Variants in RAVER1 observed in about 807,000 individuals in gnomAD.
RAVER1 encodes ribonucleoprotein, PTB binding 1.
A neutral mutation model predicts 68.4 loss-of-function variants in RAVER1; 36 were observed. The ratio of observed to expected loss-of-function variants is 0.53; its 90% CI spans 0.40 to 0.70. The LOEUF (loss-of-function observed/expected upper bound fraction) is 0.70. RAVER1 is among the 30% of genes least tolerant of loss of function. The pLI is 0.00. For missense variants in RAVER1, 933 were observed against 1,019.8 expected, an observed-to-expected ratio of 0.91 and a Z score of 1.16; for synonymous variants, 469 against 472.7, an observed-to-expected ratio of 0.99 and a Z score of 0.10.
chr19:10,319,901 A>C (rs1481104887), intron 9 of RAVER1, among the ~76,000 whole-genome samples: 1 of 151,634 alleles, frequency 6.6e-6, no homozygotes, highest in East Asian at 1.9e-4. Flanking sequence ...CGGCCTCCCA[A>C]AGTGCTGGGA....
chr19:10,327,562 C>A (rs1189947176), intron 3 of RAVER1, among the ~76,000 whole-genome samples: 1 of 152,102 alleles, frequency 6.6e-6, no homozygotes, highest in African/African-American at 2.4e-5. Context: ...CAGGCCTACC[C>A]CTTTTAAGCC....
chr19:10,320,978 G>C, intron 8 of RAVER1, 27 bp from the exon 9 acceptor site: 3 of 1,488,130 alleles, frequency 2.0e-6, no homozygotes, highest in African/African-American at 1.5e-5. Flanking sequence ...GGATTCGAGA[G>C]GGCCCCCGGG....
Position 10,323,643 on chromosome 19 carries a change from C to A in RAVER1, c.757-77G>T, listed in dbSNP as rs2040455024. On this transcript the variant is annotated intron_variant, in intron 3 of 12. Transcript: ENST00000617231. The surrounding 1 kb of genome is among the most constrained non-coding windows in gnomAD (Gnocchi z 6.2). The stretch of plus-strand genomic sequence containing the variant: ...CACCCCGGGAAGTGACAACCGTAAC[C>A]AGACTCAGCTGCCCCATAAGGGTGA... The A allele has an allele frequency of 6.8e-7, 1 of 1,463,708 alleles. No homozygotes were observed. Among genetic ancestry groups the A allele is most frequent in the Non-Finnish European group, 9.1e-7 (1 of 1,093,516 alleles). The allele number at this position is 1,463,708 out of a possible 1,614,324, so 90.7% of individuals were successfully genotyped here. A position where few individuals can be genotyped will look rare whatever the true frequency, so the allele number is the denominator to read the frequency against.
In RAVER1 at chr19:10,316,611, C is replaced by T. The variant is rs2040389882; in HGVS notation, c.*843G>A. 13 of 983,496 alleles carry T rather than the reference C, an allele frequency of 1.3e-5. No homozygotes were observed. The highest frequency in any genetic ancestry group is 1.6e-5 in the Non-Finnish European group (13 of 827,696). The allele number at this position is 983,496 out of a possible 1,614,324, so 60.9% of individuals were successfully genotyped here. On this transcript the variant is annotated 3_prime_UTR_variant, in exon 13 of 13. Coordinates refer to ENST00000617231, the MANE Select transcript of RAVER1 (RefSeq NM_133452.3). ...CTGGCAGAGAAAGCCCATCTCTGCA[C>T]GGAGGCCCGGGTAGGAGGGGGTGGT...
At chr19:10,331,212 C>T (rs1472028234) in intron 1 of RAVER1, among the ~76,000 whole-genome samples, 1 of 149,348 alleles carries the variant, frequency 6.7e-6, no homozygotes, top group Non-Finnish European at 1.5e-5. Flanking sequence ...TAGCCGGGCG[C>T]GGTGGCAGGC....
rs951870169 is a variant in RAVER1 at position 10,328,706 on chromosome 19, C to G, written c.692G>C (p.Gly231Ala). The change falls in exon 3 of 13, where the codon GGC becomes GCC. Residue 231 changes from glycine to alanine, a missense_variant. Gly to Ala is a moderately conservative substitution (Grantham distance 60). Transcript: ENST00000617231. The surrounding 1 kb of genome is among the most constrained non-coding windows in gnomAD (Gnocchi z 4.4). ...RCLCVDRLPP[G>A]FNDVDALCRA... is the part of the protein sequence containing the mutation. ...GCACAGAGCGTCCACATCGTTGAAG[C>G]CAGGTGGCAGGCGGTCCACACAGAG... The G allele has an allele frequency of 1.2e-6, 2 of 1,608,014 alleles. No individual in the cohort carries two copies. Among genetic ancestry groups the G allele is most frequent in the African/African-American group, 1.3e-5 (1 of 74,854 alleles).
At chr19:10,326,483 C>T (rs960563431) in intron 3 of RAVER1, among the ~76,000 whole-genome samples, 2 of 152,214 alleles carry the variant, frequency 1.3e-5, no homozygotes, top group Non-Finnish European at 2.9e-5. Context: ...CTCGCTCTGT[C>T]GCCCAGGCTG....
At chr19:10,330,699 C>T (rs1366130250) in intron 1 of RAVER1, among the ~76,000 whole-genome samples, 173 bp from the exon 2 acceptor site, 1 of 152,204 alleles carries the variant, frequency 6.6e-6, no homozygotes, top group Non-Finnish European at 1.5e-5. Flanking sequence ...TCTGCTCATA[C>T]CTGGCAGAGA....
At position 10,322,627 on chromosome 19, in the gene RAVER1, G is replaced by C. The variant is rs911914008; in HGVS notation, c.1173+18C>G. 11 of 1,501,818 alleles carry C rather than the reference G, an allele frequency of 7.3e-6. No homozygotes were observed. The highest frequency in any genetic ancestry group is 1.4e-5 in the African/African-American group (1 of 69,362). The allele number at this position is 1,501,818 out of a possible 1,614,324, so 93.0% of individuals were successfully genotyped here. The stretch of plus-strand genomic sequence containing the variant: ...GTAGGGGCTGTAGAGCAGTGGGTGA[G>C]GGGGATGCGTGTGTTACCTTCTGGC... On this transcript the variant is annotated intron_variant, in intron 6 of 12. Transcript: ENST00000617231. This position sits in a 1 kb window ranked among gnomAD's most constrained non-coding sequence, Gnocchi z 4.3.
rs2040541887 is a variant in RAVER1 at position 10,333,512 on chromosome 19, G to A, written c.-5C>T. 2 of 1,595,620 alleles carry A rather than the reference G, an allele frequency of 1.3e-6. No homozygotes were observed. ...AACGGACACGTCCGCCGCCATCTTGGGAAACCCGGCGCCTTCTGGGACCAG... is the reference window on the plus strand; with the variant it reads ...AACGGACACGTCCGCCGCCATCTTGAGAAACCCGGCGCCTTCTGGGACCAG... On this transcript the variant is annotated 5_prime_UTR_variant, in exon 1 of 13. Transcript: ENST00000617231. The surrounding 1 kb of genome is among the most constrained non-coding windows in gnomAD (Gnocchi z 4.2).
At chr19:10,325,170 A>G (rs1461834369) in intron 3 of RAVER1, among the ~76,000 whole-genome samples, 1 of 151,810 alleles carries the variant, frequency 6.6e-6, no homozygotes, top group Non-Finnish European at 1.5e-5. Flanking sequence ...AAAGGCACCT[A>G]CCACCACGCC....
At position 10,318,297 on chromosome 19, in the gene RAVER1, A is replaced by C; in HGVS notation, c.1921T>G (p.Ser641Ala). ...SGGGPLSHFYSGSPTSYFTSG... is the reference protein window; with the variant it reads ...SGGGPLSHFYAGSPTSYFTSG... ...GTGAAGTAGGAAGTGGGCGAGCCTG[A>C]ATAGAAGTGAGACAGGGGGCCCCCG... Residue 641 changes from serine (S) to alanine (A), a missense_variant, in exon 11 of 13, where the codon TCA becomes GCA. Ser to Ala is a moderately conservative substitution (Grantham distance 99, BLOSUM62 1). This residue lies in a region of RAVER1 where 699 missense variants were observed against 731.1 expected (regional missense o/e 0.96). Coordinates refer to ENST00000617231, the MANE Select transcript of RAVER1 (RefSeq NM_133452.3). 1 of 1,601,084 alleles carries C rather than the reference A, an allele frequency of 6.2e-7. No homozygotes were observed. The highest frequency in any genetic ancestry group is 8.5e-7 in the Non-Finnish European group (1 of 1,174,972).
rs1161834922 is a variant in RAVER1, at chr19:10,321,039, G to A, written c.1473+9C>T. On this transcript the variant is annotated intron_variant, in intron 8 of 12. Transcript: ENST00000617231. ...CTGGTGTGGTGCCGCGCGCAGGGCA[G>A]GGCCTTACCCCAGGGGGCGTCGGCA... The A allele has an allele frequency of 7.0e-7, 1 of 1,433,090 alleles. No individual in the cohort carries two copies. The highest frequency in any genetic ancestry group is 1.5e-5 in the African/African-American group (1 of 67,244). The allele number at this position is 1,433,090 out of a possible 1,614,324, so 88.8% of individuals were successfully genotyped here. A position where few individuals can be genotyped will look rare whatever the true frequency, so the allele number is the denominator to read the frequency against.
chr19:10,332,672 T>TA (rs1052911619), intron 1 of RAVER1, among the ~76,000 whole-genome samples: 1 of 152,192 alleles, frequency 6.6e-6, no homozygotes, highest in Non-Finnish European at 1.5e-5. Context: ...AGGGCACTCC[T>TA]AGCAGGAAGA....
chr19:10,322,525 C>CCTGGT lies in RAVER1; in HGVS notation c.1173+115_1173+119dup. 2.9e-6 allele frequency: 2 copies of CCTGGT among 699,622 alleles called. No individual in the cohort carries two copies. Among genetic ancestry groups the CCTGGT allele is most frequent in the Non-Finnish European group, 4.7e-6 (2 of 428,854 alleles). 43.3% of individuals were successfully genotyped at this position (699,622 alleles called of 1,614,324 possible). ...AGGGGTTTGGGGGAGTCGCCCTCAC[C>CCTGGT]CTGGTTCTGCGCCCCCAGGGCACAG... On this transcript the variant is annotated intron_variant, in intron 6 of 12. Coordinates refer to ENST00000617231, the MANE Select transcript of RAVER1 (RefSeq NM_133452.3). This position sits in a 1 kb window ranked among gnomAD's most constrained non-coding sequence, Gnocchi z 4.3.
chr19:10,323,678 C>T lies in RAVER1; in HGVS notation c.757-112G>A, dbSNP rs1184479279. ...TGCCCCATAAGGGTGAACTCCACGC[C>T]AGGCCTCCACTGCCCTGTGCCTCAT... On this transcript the variant is annotated intron_variant, in intron 3 of 12. Transcript: ENST00000617231. The surrounding 1 kb of genome is among the most constrained non-coding windows in gnomAD (Gnocchi z 6.2). 3.8e-6 allele frequency: 4 copies of T among 1,059,238 alleles called. No homozygotes were observed. Among genetic ancestry groups the T allele is most frequent in the Non-Finnish European group, 5.4e-6 (4 of 747,478 alleles). 65.6% of individuals were successfully genotyped at this position (1,059,238 alleles called of 1,614,324 possible).
rs1178549577 is a variant in RAVER1 at position 10,320,675 on chromosome 19, A to G, written c.1750T>C (p.Tyr584His). 1.9e-6 allele frequency: 3 copies of G among 1,555,730 alleles called. No homozygotes were observed. The highest frequency in any genetic ancestry group is 2.6e-6 in the Non-Finnish European group (3 of 1,155,052). ...CTCACCGAGGGGTAGTCGAAGCTGT[A>G]GCTGTCAGACAGTCCTGGTTCGGGG... Reference protein sequence around the residue: ...LPPEPGLSDSYSFDYPSDMGP... With the variant: ...LPPEPGLSDSHSFDYPSDMGP... The change falls in exon 9 of 13, where the codon TAC becomes CAC. Residue 584 changes from tyrosine (Y) to histidine (H), a missense_variant. Tyr to His is a moderately conservative substitution (Grantham distance 83). Around this residue, in one of 3 missense-constraint regions of RAVER1, gnomAD observed 699 missense variants for 731.1 expected, o/e 0.96. Transcript: ENST00000617231.
intron 1 of RAVER1, among the ~76,000 whole-genome samples, chr19:10,331,774 C>T (rs1409341506): frequency 4.0e-5 from 6 of 149,634 alleles, no homozygotes; most frequent in Non-Finnish European, 8.9e-5. Context: ...CTGTTTCCAA[C>T]AACTCTGTAA....
chr19:10,325,589 G>A (rs542977611), intron 3 of RAVER1, among the ~76,000 whole-genome samples: 10 of 151,800 alleles, frequency 6.6e-5, no homozygotes, highest in African/African-American at 2.2e-4. Context: ...TGATCTGCCC[G>A]CCGCAGCCTC....
Sources: gnomAD v4.1 joint callset for allele counts (sites outside exome capture counted in the v4.1 genomes callset) on GRCh38, gnomAD v4.1.1 for gene constraint, gnomAD v4.1.1 regional missense constraint, Gnocchi (gnomAD v3.1) non-coding constraint, MANE v1.5 for transcripts, NCBI Gene and HGNC (gene_info 2026-07-23, HGNC 2026-07-21) for gene names.